ZNF124: variants seen among roughly 807,000 people sequenced by gnomAD.
ZNF124 encodes the protein zinc finger protein HZF-16.
ZNF124 carries 25 observed loss-of-function variants against 26.6 expected under a neutral mutation model. That is an observed-to-expected ratio of 0.94 (90% confidence interval 0.68 to 1.31). The LOEUF (loss-of-function observed/expected upper bound fraction) is 1.31, where lower values mean the gene tolerates loss of function less well. ZNF124 is among the 40% of genes most tolerant of loss of function. The probability of loss-of-function intolerance (pLI) is 0.00; values close to 1 mark genes in which losing one functional copy is unlikely to be tolerated. For synonymous variants in ZNF124, 129 were observed against 133.3 expected (o/e 0.97, Z 0.22); for missense variants, 444 against 422.2 (o/e 1.05, Z -0.45).
chr1:247,123,665 A>C (rs1672135956), exon 4 of ZNF124: 2 of 579,232 alleles, frequency 3.5e-6, no homozygotes, highest in East Asian at 5.6e-5. Flanking sequence ...TACTAGATGG[A>C]TCCCAATCTC....
At chr1:247,166,501 T>C (rs61837911) in intron 1 of ZNF124, among the ~76,000 whole-genome samples, 7,211 of 152,310 alleles carry the variant, frequency 0.047, 282 homozygotes, top group South Asian at 0.19. Context: ...GTTGATTCCA[T>C]GTATTTGCTA....
At chr1:247,165,427 C>A (rs1309305946) in intron 1 of ZNF124, among the ~76,000 whole-genome samples, 1 of 152,066 alleles carries the variant, frequency 6.6e-6, no homozygotes, top group East Asian at 1.9e-4. Context: ...GCATTAAAGA[C>A]TTAAATGTAA....
At chr1:247,159,635 A>G in intron 2 of ZNF124, 52 bp downstream of exon 2, 7 of 1,586,938 alleles carry the variant, frequency 4.4e-6, no homozygotes, top group South Asian at 1.1e-5. Context: ...ATTGAAAACC[A>G]TGAAACACTT....
intron 3 of ZNF124, among the ~76,000 whole-genome samples, chr1:247,137,085 C>T (rs1672502670): frequency 6.6e-6 from 1 of 151,908 alleles, no homozygotes; most frequent in Non-Finnish European, 1.5e-5. Flanking sequence ...AAATAGCATG[C>T]TACTGGTACC....
At chr1:247,151,340 G>C (rs974113104), downstream of ZNF124, among the ~76,000 whole-genome samples, 1 of 152,056 alleles carries the variant, frequency 6.6e-6, no homozygotes, top group East Asian at 1.9e-4. Flanking sequence ...TTAGCCGGGC[G>C]TGGTGGCGGG....
rs779659255 is a variant in ZNF124 at position 247,159,976 on chromosome 1, G to GT, written c.31-164dup. On this transcript the variant is annotated intron_variant, in intron 1 of 3. Transcript: ENST00000543802. ...TACACTTCCTTTCTCCCACATAGCA[G>GT]TTCTTTTTTTTTTTTTTTTTTTTTT... 3.0e-3 allele frequency: 733 copies of GT among 247,086 alleles called. 28 individuals are homozygous for GT. Among genetic ancestry groups the GT allele is most frequent in the African/African-American group, 0.016 (537 of 34,282 alleles). 15.3% of individuals were successfully genotyped at this position (247,086 alleles called of 1,614,324 possible).
At chr1:247,135,160 C>G (rs917724385) in intron 3 of ZNF124, among the ~76,000 whole-genome samples, 1 of 151,804 alleles carries the variant, frequency 6.6e-6, no homozygotes, top group African/African-American at 2.4e-5. Context: ...CAAGAGCAAA[C>G]TATTCCAAAA....
chr1:247,156,534 G>A lies in ZNF124; in HGVS notation c.*32C>T. ...TTCTCTCAAGTATGTGACTGTTCAT[G>A]TTTTTGACAAAAACTGTAGTGATTA... On this transcript the variant is annotated 3_prime_UTR_variant, in exon 4 of 4. Coordinates refer to ENST00000543802, the MANE Select transcript of ZNF124 (RefSeq NM_001297568.2). The A allele has an allele frequency of 4.7e-6, 7 of 1,499,126 alleles. No individual in the cohort carries two copies. Among genetic ancestry groups the A allele is most frequent in the Non-Finnish European group, 6.2e-6 (7 of 1,127,236 alleles). The allele number at this position is 1,499,126 out of a possible 1,614,324, so 92.9% of individuals were successfully genotyped here.
intron 1 of ZNF124, among the ~76,000 whole-genome samples, chr1:247,160,761 T>C (rs1424538569): frequency 6.6e-6 from 1 of 152,218 alleles, no homozygotes; most frequent in Non-Finnish European, 1.5e-5. Context: ...TAATATTTCA[T>C]ATATGATGTC....
At chr1:247,138,592 GAAGA>G (rs1672547035) in intron 3 of ZNF124, 4 of 392,566 alleles carry the variant, frequency 1.0e-5, no homozygotes, top group Non-Finnish European at 1.8e-5. Flanking sequence ...GTTTGTTTTA[GAAGA>G]AATAAAACAT....
Position 247,157,283 on chromosome 1 carries a change from T to G in ZNF124, c.339A>C (p.Thr113=), listed in dbSNP as rs1323373989. ...SLSVTRVHRD[T]VMHTGNGHYG... is the part of the protein sequence containing the mutation. ...AATGTCCATTTCCAGTGTGCATTAC[T>G]GTGTCTCTGTGAACCCTTGTGACAG... The change falls in exon 4 of 4, where the codon ACA becomes ACC. Residue 113 remains threonine, a synonymous_variant. Transcript: ENST00000543802. 2 of 1,609,362 alleles carry G rather than the reference T, an allele frequency of 1.2e-6. No individual in the cohort carries two copies. The highest frequency in any genetic ancestry group is 1.7e-6 in the Non-Finnish European group (2 of 1,177,140).
chr1:247,144,217 TC>T (rs1160429815), intron 3 of ZNF124, among the ~76,000 whole-genome samples: 1 of 152,168 alleles, frequency 6.6e-6, no homozygotes, highest in Non-Finnish European at 1.5e-5. Flanking sequence ...TAGCTATCCC[TC>T]CCCAACTACA....
intron 3 of ZNF124, among the ~76,000 whole-genome samples, chr1:247,125,497 T>G (rs1173107755): frequency 7.0e-5 from 8 of 114,748 alleles, no homozygotes; most frequent in African/African-American, 2.4e-4. Context: ...AGGCTGGAGA[T>G]CTCCACTGAC....
intron 3 of ZNF124, 87 bp from the exon 4 acceptor site, chr1:247,157,490 A>T: frequency 7.3e-7 from 1 of 1,365,302 alleles, no homozygotes; most frequent in Non-Finnish European, 1.0e-6. Flanking sequence ...TTTTGTTCAG[A>T]TTAAAATTTG....
intron 1 of ZNF124, among the ~76,000 whole-genome samples, chr1:247,170,881 G>A (rs924570869): frequency 1.9e-4 from 23 of 118,266 alleles, no homozygotes; most frequent in Non-Finnish European, 3.8e-4. Flanking sequence ...CCCAGGACGC[G>A]GCGCCGGGCT....
chr1:247,156,954 T>C lies in ZNF124; in HGVS notation c.668A>G (p.Tyr223Cys). Residue 223 changes from tyrosine (Y) to cysteine (C), a missense_variant, in exon 4 of 4, where the codon TAC becomes TGC. Transcript: ENST00000543802. ...CTCTCCAGTGTGAGTTCTTTCATGG[T>C]AATGAAGGCAATTGGAGTAACGGAA... ...KAFRYSNCLH[Y>C]HERTHTGEKP... 1 of 1,613,146 alleles carries C rather than the reference T, an allele frequency of 6.2e-7. No homozygotes were observed. Among genetic ancestry groups the C allele is most frequent in the Non-Finnish European group, 8.5e-7 (1 of 1,179,468 alleles).
In ZNF124 at chr1:247,164,173, C is replaced by G. The variant is rs538652607; in HGVS notation, c.31-4360G>C. Among the ~76,000 whole-genome samples the G allele has an allele frequency of 6.6e-4, 100 of 152,262 alleles. 1 individual carries two copies. The highest frequency in any genetic ancestry group is 1.7e-3 in the South Asian group (8 of 4,824). On this transcript the variant is annotated intron_variant, in intron 1 of 3. Coordinates refer to ENST00000543802, the MANE Select transcript of ZNF124 (RefSeq NM_001297568.2). Reference sequence around the variant, plus strand: ...AATAATAAGAGCTATCTATGAAAAACCCACAGCCAACATCATAGTGAATAG... The same window carrying G: ...AATAATAAGAGCTATCTATGAAAAAGCCACAGCCAACATCATAGTGAATAG...
At position 247,125,430 on chromosome 1, in the gene ZNF124, C is replaced by CTTTTTTTTTTTTTTTTTT. The variant is rs71566695; in HGVS notation, c.219-1577_219-1560dup. Among the ~76,000 whole-genome samples the CTTTTTTTTTTTTTTTTTT allele has an allele frequency of 1.1e-3, 46 of 43,292 alleles. 6 individuals are homozygous for CTTTTTTTTTTTTTTTTTT. The highest frequency in any genetic ancestry group is 1.5e-3 in the Non-Finnish European group (36 of 23,384). The allele number at this position is 43,292 out of a possible 152,430, so 28.4% of individuals were successfully genotyped here. A position where few individuals can be genotyped will look rare whatever the true frequency, so the allele number is the denominator to read the frequency against. On this transcript the variant is annotated intron_variant, in intron 3 of 3. Coordinates refer to the ZNF124 transcript ENST00000472531. ...TATCTTCACCGACACCTGTTTTTGT[C>CTTTTTTTTTTTTTTTTTT]TTTTTTTTTTTTTTTTTTTTTTTTT...
intron 3 of ZNF124, among the ~76,000 whole-genome samples, chr1:247,129,979 T>C (rs527902053): frequency 7.8e-4 from 109 of 139,940 alleles, no homozygotes; most frequent in Non-Finnish European, 1.5e-3. Context: ...AGGGTGGACA[T>C]TGAGTACTTC....
Sources: allele counts gnomAD v4.1 joint callset (sites outside exome capture counted in the v4.1 genomes callset), GRCh38; gene constraint gnomAD v4.1.1; transcripts MANE v1.5; gene names NCBI Gene and HGNC (gene_info 2026-07-23, HGNC 2026-07-21).